POU6F2: variants seen among roughly 807,000 people sequenced by gnomAD.
POU6F2 encodes the protein POU class 6 homeobox 2, also known as POU domain, class 6, transcription factor 2.
Under a neutral mutation model 71.3 loss-of-function variants are expected in POU6F2, and 31 were observed. That is an observed-to-expected ratio of 0.43 (90% CI 0.33 to 0.59). POU6F2 has a LOEUF of 0.59. Ranked by LOEUF, POU6F2 falls within the 20% of genes least tolerant of loss-of-function variation. POU6F2 has a pLI of 0.04. For synonymous variants in POU6F2, 347 were observed against 355.7 expected, an observed-to-expected ratio of 0.98 and a Z score of 0.27; for missense variants, 783 against 856.8, an observed-to-expected ratio of 0.91 and a Z score of 1.07.
At position 39,412,779 on chromosome 7, in the gene POU6F2, T is replaced by C. The variant is rs13224396; in HGVS notation, c.1113+6039T>C. ...CCGTATTAGCTTCAGTTTTCTTGCCTTTTTTTTTTTTTTTTTTTTTTTTTT... is the reference window on the plus strand; with the variant it reads ...CCGTATTAGCTTCAGTTTTCTTGCCCTTTTTTTTTTTTTTTTTTTTTTTTT... On this transcript the variant is annotated intron_variant, in intron 6 of 9. Transcript: ENST00000518318. 2.8e-4 allele frequency among the ~76,000 whole-genome samples: 9 copies of C among 32,632 alleles called. No individual in the cohort carries two copies. The South Asian group carries it at 8.8e-3, about 32-fold the overall frequency. 21.4% of individuals were successfully genotyped at this position (32,632 alleles called of 152,430 possible). A position where few individuals can be genotyped will look rare whatever the true frequency, so the allele number is the denominator to read the frequency against.
intron 2 of POU6F2, among the ~76,000 whole-genome samples, chr7:39,165,476 G>A (rs900439759): frequency 3.0e-4 from 46 of 152,192 alleles, no homozygotes; most frequent in African/African-American, 9.4e-4. Flanking sequence ...TTCAAAAGTC[G>A]TCAAATAAGA....
intron 2 of POU6F2, among the ~76,000 whole-genome samples, chr7:39,101,262 CG>C (rs1453551643): frequency 1.3e-5 from 2 of 151,704 alleles, no homozygotes; most frequent in African/African-American, 4.8e-5. Context: ...TTGGTAGAGA[CG>C]GGGTTTCGCC....
intron 1 of POU6F2, among the ~76,000 whole-genome samples, chr7:39,040,283 A>T (rs908094357): frequency 6.7e-6 from 1 of 149,506 alleles, no homozygotes; most frequent in African/African-American, 2.5e-5. Context: ...CTTTATTTCT[A>T]CTGCCATAAA....
chr7:39,050,069 T>C (rs187822597), intron 1 of POU6F2, among the ~76,000 whole-genome samples: 8 of 152,204 alleles, frequency 5.3e-5, no homozygotes, highest in Admixed American at 3.9e-4. Flanking sequence ...TTATTACCAA[T>C]ATTGTTTTAA....
At position 39,460,600 on chromosome 7, in the gene POU6F2, G is replaced by A; in HGVS notation, c.1543G>A (p.Glu515Lys). ...TGGGGTTAATCTGGAGGAGATCCGA[G>A]AATTTGCCAAAGCTTTTAAAATCCG... Reference protein sequence around the residue: ...VDGVNLEEIREFAKAFKIRRL... With the variant: ...VDGVNLEEIRKFAKAFKIRRL... Residue 515 changes from glutamate to lysine, a missense_variant, in exon 9 of 10, where the codon GAA (glutamate) becomes AAA (lysine). Glu to Lys is a moderately conservative substitution (Grantham distance 56). Around this residue, in one of 2 missense-constraint regions of POU6F2, gnomAD observed 211 missense variants for 283.9 expected, o/e 0.74. Transcript: ENST00000518318. This position sits in a 1 kb window ranked among gnomAD's most constrained non-coding sequence, Gnocchi z 4.4. 6.2e-7 allele frequency: 1 copy of A among 1,613,292 alleles called. No individual in the cohort carries two copies. Among genetic ancestry groups the A allele is most frequent in the Non-Finnish European group, 8.5e-7 (1 of 1,179,636 alleles).
chr7:39,044,755 T>C (rs1790255178), intron 1 of POU6F2, among the ~76,000 whole-genome samples: 1 of 151,942 alleles, frequency 6.6e-6, no homozygotes, highest in Admixed American at 6.6e-5. Context: ...AGCATTTTTT[T>C]GCAGAAAAAA....
At chr7:39,155,625 A>G (rs565044585) in intron 2 of POU6F2, among the ~76,000 whole-genome samples, 9 of 152,314 alleles carry the variant, frequency 5.9e-5, no homozygotes, top group African/African-American at 1.7e-4. Flanking sequence ...AACCAGGTTC[A>G]TGTGTATTGA....
chr7:38,978,923 G>A (rs1029150676), intron 1 of POU6F2, among the ~76,000 whole-genome samples: 3 of 152,240 alleles, frequency 2.0e-5, no homozygotes, highest in East Asian at 3.9e-4. Context: ...GTGTTAAAAT[G>A]TTTGCGTTGT....
intron 4 of POU6F2, among the ~76,000 whole-genome samples, chr7:39,316,381 A>G (rs1449340517): frequency 6.6e-6 from 1 of 152,098 alleles, no homozygotes; most frequent in Non-Finnish European, 1.5e-5. Flanking sequence ...CTCGTCCCCA[A>G]CATATCCAGG....
intron 1 of POU6F2, among the ~76,000 whole-genome samples, chr7:39,000,321 C>G (rs954353649): frequency 2.0e-5 from 3 of 152,186 alleles, no homozygotes; most frequent in African/African-American, 7.2e-5. Context: ...AAATGGGAAG[C>G]CTCTTACTGT....
At chr7:39,437,627 A>T (rs114839555) in intron 7 of POU6F2, among the ~76,000 whole-genome samples, 51,185 of 151,782 alleles carry the variant, frequency 0.34, 9,630 homozygotes, top group East Asian at 0.58. Context: ...TCTCCTTCAA[A>T]TCTTCTCTGA....
chr7:39,281,637 C>CT (rs1279876602), intron 4 of POU6F2, among the ~76,000 whole-genome samples: 1 of 152,066 alleles, frequency 6.6e-6, no homozygotes, highest in Admixed American at 6.6e-5. Context: ...GAATTTCATC[C>CT]TTTTTTATGG....
At chr7:39,096,213 A>T (rs531954929) in intron 2 of POU6F2, among the ~76,000 whole-genome samples, 2 of 152,292 alleles carry the variant, frequency 1.3e-5, no homozygotes, top group East Asian at 3.9e-4. Flanking sequence ...AAACCCATAA[A>T]AGTGTGGCAT....
intron 4 of POU6F2, among the ~76,000 whole-genome samples, chr7:39,280,053 C>T (rs1333422572): frequency 6.6e-6 from 1 of 152,076 alleles, no homozygotes; most frequent in Non-Finnish European, 1.5e-5. Context: ...CCCAAATTTT[C>T]CCTTTTATTA....
chr7:39,142,651 C>A (rs183063502), intron 2 of POU6F2, among the ~76,000 whole-genome samples: 13 of 152,050 alleles, frequency 8.5e-5, no homozygotes, highest in Non-Finnish European at 1.5e-4. Flanking sequence ...ATTGTAAATT[C>A]TCTTGGCTTT....
intron 2 of POU6F2, among the ~76,000 whole-genome samples, chr7:39,171,016 C>CTT (rs760022218): frequency 0.015 from 1,423 of 94,546 alleles, 18 homozygotes; most frequent in African/African-American, 0.047. Flanking sequence ...TCACATATAT[C>CTT]TTTTTTTTTT....
intron 2 of POU6F2, among the ~76,000 whole-genome samples, chr7:39,194,777 C>G (rs1018856270): frequency 6.6e-6 from 1 of 152,196 alleles, no homozygotes; most frequent in African/African-American, 2.4e-5. Flanking sequence ...AGCTGTAACA[C>G]TCACCGCGAA....
rs73695236 is a variant in POU6F2, at chr7:39,267,640, A to T, written c.598+60020A>T. 3.0e-3 allele frequency among the ~76,000 whole-genome samples: 446 copies of T among 148,788 alleles called. 2 individuals carry two copies. Among genetic ancestry groups the T allele is most frequent in the African/African-American group, 0.011 (434 of 40,636 alleles). ...TCATACATTTAAAAATATTTTATTTATTTTTTTTTTTTAGAGGCAAGGTCT... is the reference window on the plus strand; with the variant it reads ...TCATACATTTAAAAATATTTTATTTTTTTTTTTTTTTTAGAGGCAAGGTCT... On this transcript the variant is annotated intron_variant, in intron 4 of 9. Coordinates refer to ENST00000518318, the MANE Select transcript of POU6F2 (RefSeq NM_001370959.1).
intron 5 of POU6F2, among the ~76,000 whole-genome samples, chr7:39,341,104 C>T (rs1036131892): frequency 3.9e-5 from 6 of 152,296 alleles, no homozygotes; most frequent in African/African-American, 1.4e-4. Flanking sequence ...GTATCCTTGG[C>T]TCCTAAATAG....
Sources: gnomAD v4.1 joint callset for allele counts (sites outside exome capture counted in the v4.1 genomes callset) on GRCh38, gnomAD v4.1.1 for gene constraint, gnomAD v4.1.1 regional missense constraint, Gnocchi (gnomAD v3.1) non-coding constraint, MANE v1.5 for transcripts, NCBI Gene and HGNC (gene_info 2026-07-23, HGNC 2026-07-21) for gene names.